The following HRH2 variants were observed in gnomAD, a reference collection of about 807,000 sequenced individuals.
HRH2 encodes the protein histamine H2 receptor.
In HRH2, 4 loss-of-function variants were observed where a neutral mutation model predicts 20.1. The observed-to-expected ratio is 0.20, with a 90% CI of 0.10 to 0.45. The LOEUF is 0.45. Ranked by LOEUF, HRH2 falls within the 20% of genes least tolerant of loss-of-function variation. HRH2 has a pLI of 0.99. For synonymous variants in HRH2, 197 were observed against 200.7 expected, an observed-to-expected ratio of 0.98 and a Z score of 0.16; for missense variants, 250 against 461.6, an observed-to-expected ratio of 0.54 and a Z score of 4.20.
In HRH2 at chr5:175,680,777, G is replaced by T. The variant is rs182576664; in HGVS notation, c.-525-1932G>T. ...AAGGTGACCAGAACTTACGGGAGCT[G>T]GGCTTTAAATAGGAATACAGCAGAA... is the stretch of plus-strand genomic sequence containing the variant. On this transcript the variant is annotated intron_variant, in intron 1 of 2. Transcript: ENST00000636584. 5.5e-4 allele frequency among the ~76,000 whole-genome samples: 84 copies of T among 152,268 alleles called. 1 individual carries two copies. In the South Asian group the frequency reaches 0.014, roughly 25 times the overall value.
intron 2 of HRH2, among the ~76,000 whole-genome samples, chr5:175,690,868 G>A (rs1386833254): frequency 6.6e-6 from 1 of 152,156 alleles, no homozygotes; most frequent in Non-Finnish European, 1.5e-5. Context: ...TCTGTGCCTG[G>A]CTCCCCTCAC....
chr5:175,671,599 CA>C (rs1755541997), intron 1 of HRH2, among the ~76,000 whole-genome samples: 2 of 152,044 alleles, frequency 1.3e-5, no homozygotes, highest in African/African-American at 4.8e-5. Context: ...CAGAGACACA[CA>C]AAAAACTTTG....
At chr5:175,675,283 GT>G (rs1054580924) in intron 1 of HRH2, among the ~76,000 whole-genome samples, 2 of 152,116 alleles carry the variant, frequency 1.3e-5, no homozygotes, top group African/African-American at 4.8e-5. Flanking sequence ...GAGATATGGG[GT>G]CCCATATCTG....
At position 175,708,517 on chromosome 5, in the gene HRH2, A is replaced by T. The variant is rs72821290; in HGVS notation, c.*546A>T. On this transcript the variant is annotated 3_prime_UTR_variant, in exon 3 of 3. Transcript: ENST00000636584. ...TATAGCAACATGAGTTTAGAGCAAG[A>T]ATCACACCCCGACTTTACAGAGATG... 0.06 allele frequency: 9,123 copies of T among 152,428 alleles called. 776 individuals carry two copies. The highest frequency in any genetic ancestry group is 0.19 in the African/African-American group (7,696 of 41,492). The allele number at this position is 152,428 out of a possible 1,614,324, so 9.4% of individuals were successfully genotyped here. A position where few individuals can be genotyped will look rare whatever the true frequency, so the allele number is the denominator to read the frequency against.
chr5:175,704,519 A>G (rs745969503), intron 2 of HRH2, among the ~76,000 whole-genome samples: 1 of 152,198 alleles, frequency 6.6e-6, no homozygotes, highest in Non-Finnish European at 1.5e-5. Context: ...CTGAGGAAAC[A>G]CTAACAAACC....
At position 175,687,227 on chromosome 5, in the gene HRH2, A is replaced by G. The variant is rs1473523517; in HGVS notation, c.1076+2918A>G. Among the ~76,000 whole-genome samples, 4 of 152,136 alleles carry G rather than the reference A, an allele frequency of 2.6e-5. No individual in the cohort carries two copies. Among genetic ancestry groups the G allele is most frequent in the African/African-American group, 9.7e-5 (4 of 41,442 alleles). On this transcript the variant is annotated intron_variant, in intron 2 of 2. Transcript: ENST00000636584. The surrounding 1 kb of genome is among the most constrained non-coding windows in gnomAD (Gnocchi z 5.2). ...GAGCCAAGAACAGCCAGAGGTTGAT[A>G]TTCCCACCAAGACTGCCAGGGCGAT...
chr5:175,674,104 C>T (rs1755669687), intron 1 of HRH2, among the ~76,000 whole-genome samples: 1 of 152,256 alleles, frequency 6.6e-6, no homozygotes, highest in South Asian at 2.1e-4. Flanking sequence ...CAGGTTCCCA[C>T]ATCCGCTGTT....
At chr5:175,685,440 G>A in intron 2 of HRH2, 2 of 1,551,698 alleles carry the variant, frequency 1.3e-6, no homozygotes, top group Non-Finnish European at 1.7e-6. Context: ...ATGCTGGTCT[G>A]TGGAACTGAC....
intron 2 of HRH2, among the ~76,000 whole-genome samples, chr5:175,700,688 A>G (rs758174664): frequency 5.9e-5 from 9 of 152,206 alleles, no homozygotes; most frequent in Non-Finnish European, 1.2e-4. Context: ...GTTCGAGACC[A>G]GCCTGACCAA....
chr5:175,667,727 G>T (rs1014743783), intron 1 of HRH2, among the ~76,000 whole-genome samples: 1 of 152,114 alleles, frequency 6.6e-6, no homozygotes, highest in Non-Finnish European at 1.5e-5. Flanking sequence ...GATAGTAACA[G>T]CTGTAGTAAT....
At position 175,684,106 on chromosome 5, in the gene HRH2, G is replaced by T; in HGVS notation, c.873G>T (p.Leu291=). 6.2e-7 allele frequency: 1 copy of T among 1,614,204 alleles called. No individual in the cohort carries two copies. Residue 291 remains leucine (L), a synonymous_variant, in exon 2 of 3, where the codon CTG becomes CTT. Transcript: ENST00000636584. ...SALNPILYAA[L]NRDFRTGYQQ... is the part of the protein sequence containing the mutation. Reference sequence around the variant, plus strand: ...TGAACCCCATCCTGTATGCTGCGCTGAACAGAGACTTCCGCACCGGGTACC... The same window carrying T: ...TGAACCCCATCCTGTATGCTGCGCTTAACAGAGACTTCCGCACCGGGTACC...
rs1170889845 is a variant in HRH2 at position 175,708,258 on chromosome 5, G to A, written c.*287G>A. On this transcript the variant is annotated 3_prime_UTR_variant, in exon 3 of 3. Transcript: ENST00000636584. ...GGCCCTGGGAGTCATGAGCAGAGAC[G>A]GTGGGACAGACGGGGATGCGTGCAC... is the stretch of plus-strand genomic sequence containing the variant. The A allele has an allele frequency of 4.2e-5, 13 of 309,908 alleles. No homozygotes were observed. The highest frequency in any genetic ancestry group is 1.6e-4 in the South Asian group (1 of 6,216). The allele number at this position is 309,908 out of a possible 1,614,324, so 19.2% of individuals were successfully genotyped here.
At position 175,683,599 on chromosome 5, in the gene HRH2, C is replaced by T; in HGVS notation, c.366C>T (p.Asp122=). Residue 122 remains aspartate, a synonymous_variant, in exon 2 of 3, where the codon GAC becomes GAT. Transcript: ENST00000636584. ...ISLDRYCAVM[D]PLRYPVLVTP... ...TCGACCGGTACTGCGCTGTCATGGA[C>T]CCACTGCGGTACCCTGTGCTGGTCA... The T allele has an allele frequency of 6.2e-7, 1 of 1,614,186 alleles. No individual in the cohort carries two copies. Among genetic ancestry groups the T allele is most frequent in the Non-Finnish European group, 8.5e-7 (1 of 1,180,038 alleles).
chr5:175,700,069 G>A (rs959367225), intron 2 of HRH2, among the ~76,000 whole-genome samples: 1 of 152,154 alleles, frequency 6.6e-6, no homozygotes, highest in Non-Finnish European at 1.5e-5. Context: ...CAGCAGCAGG[G>A]GATGAGGAAG....
Position 175,683,346 on chromosome 5 carries a change from T to C in HRH2, c.113T>C (p.Val38Ala). Reference protein sequence around the residue: ...LILITVAGNVVVCLAVGLNRR... With the variant: ...LILITVAGNVAVCLAVGLNRR... ...CTCATCACCGTTGCTGGCAATGTGG[T>C]CGTCTGTCTGGCCGTGGGCTTGAAC... Residue 38 changes from valine to alanine, a missense_variant, in exon 2 of 3, where the codon GTC becomes GCC. This residue lies in a region of HRH2 where 86 missense variants were observed against 176.4 expected (regional missense o/e 0.49). Transcript: ENST00000636584. 1 of 1,614,168 alleles carries C rather than the reference T, an allele frequency of 6.2e-7. No homozygotes were observed. The highest frequency in any genetic ancestry group is 8.5e-7 in the Non-Finnish European group (1 of 1,180,032).
Position 175,684,164 on chromosome 5 carries a change from A to G in HRH2, c.931A>G (p.Asn311Asp). The G allele has an allele frequency of 6.2e-7, 1 of 1,614,120 alleles. No homozygotes were observed. The highest frequency in any genetic ancestry group is 8.5e-7 in the Non-Finnish European group (1 of 1,180,014). ...QLFCCRLANR[N>D]SHKTSLRSNA... ...CTTCTGCTGCAGGCTGGCCAACCGCAACTCCCACAAAACTTCTCTGAGGTC... is the reference window on the plus strand; with the variant it reads ...CTTCTGCTGCAGGCTGGCCAACCGCGACTCCCACAAAACTTCTCTGAGGTC... The change falls in exon 2 of 3, where the codon AAC becomes GAC. Residue 311 changes from asparagine (N) to aspartate (D), a missense_variant. Around this residue, in one of 5 missense-constraint regions of HRH2, gnomAD observed 55 missense variants for 66.9 expected, o/e 0.82. Coordinates refer to ENST00000636584, the MANE Select transcript of HRH2 (RefSeq NM_001367711.1).
chr5:175,684,617 A>T (rs938175228), intron 2 of HRH2, among the ~76,000 whole-genome samples: 1 of 152,170 alleles, frequency 6.6e-6, no homozygotes, highest in Admixed American at 6.5e-5. Context: ...TGGTCCTTAC[A>T]ATTAGAAGTC....
At chr5:175,700,681 C>T (rs1360056546) in intron 2 of HRH2, among the ~76,000 whole-genome samples, 3 of 152,036 alleles carry the variant, frequency 2.0e-5, no homozygotes, top group Non-Finnish European at 2.9e-5. Context: ...AAGGTCAGTT[C>T]GAGACCAGCC....
intron 1 of HRH2, among the ~76,000 whole-genome samples, chr5:175,669,514 C>A (rs1755440527): frequency 6.6e-6 from 1 of 152,098 alleles, no homozygotes; most frequent in African/African-American, 2.4e-5. Flanking sequence ...CAGGCACACA[C>A]CAGCACACCC....
Sources: gnomAD v4.1 joint callset for allele counts (sites outside exome capture counted in the v4.1 genomes callset) on GRCh38, gnomAD v4.1.1 for gene constraint, gnomAD v4.1.1 regional missense constraint, Gnocchi (gnomAD v3.1) non-coding constraint, MANE v1.5 for transcripts, NCBI Gene and HGNC (gene_info 2026-07-23, HGNC 2026-07-21) for gene names.